The following UST variants were observed in gnomAD, a reference collection of about 807,000 sequenced individuals.
UST encodes the protein uronyl 2-sulfotransferase.
UST carries 21 observed loss-of-function variants against 45.6 expected under a neutral mutation model. That is an observed-to-expected ratio of 0.46 (90% CI 0.33 to 0.66). UST has a LOEUF of 0.66. Among genes scored for constraint, UST ranks in the 30% least tolerant of loss-of-function variants. The pLI is 0.02. For synonymous variants in UST, 215 were observed against 200.6 expected, an observed-to-expected ratio of 1.07 and a Z score of -0.61; for missense variants, 463 against 512.4, an observed-to-expected ratio of 0.90 and a Z score of 0.93.
At chr6:148,781,683 C>G (rs1776646623) in intron 1 of UST, among the ~76,000 whole-genome samples, 2 of 152,100 alleles carry the variant, frequency 1.3e-5, no homozygotes, top group East Asian at 3.8e-4. Flanking sequence ...AGAGGAGAAC[C>G]CGGTACCTGG....
intron 1 of UST, among the ~76,000 whole-genome samples, chr6:148,828,710 G>T (rs189003569): frequency 1.2e-3 from 177 of 152,296 alleles, no homozygotes; most frequent in Admixed American, 2.4e-3. Flanking sequence ...TGATGATGAT[G>T]ATTGTTTATT....
At chr6:149,016,887 A>G (rs1775905235) in intron 5 of UST, among the ~76,000 whole-genome samples, 1 of 152,138 alleles carries the variant, frequency 6.6e-6, no homozygotes, top group African/African-American at 2.4e-5. Flanking sequence ...ACTGCTGCAG[A>G]GGGAGGCCAC....
chr6:148,865,274 A>G (rs527647107), intron 1 of UST, among the ~76,000 whole-genome samples: 1 of 152,320 alleles, frequency 6.6e-6, no homozygotes, highest in East Asian at 1.9e-4. Context: ...AAGAAGCTCA[A>G]AATGGTCTCT....
At chr6:148,923,782 C>A (rs1018783467) in intron 2 of UST, among the ~76,000 whole-genome samples, 1 of 152,026 alleles carries the variant, frequency 6.6e-6, no homozygotes, top group Non-Finnish European at 1.5e-5. Context: ...CTCCTGGGGG[C>A]CTTTGTCCAG....
intron 5 of UST, among the ~76,000 whole-genome samples, chr6:148,980,794 G>C (rs183978035): frequency 6.6e-6 from 1 of 151,844 alleles, no homozygotes; most frequent in Non-Finnish European, 1.5e-5. Flanking sequence ...ATCTCAGCTC[G>C]CTGCAGCCTC....
intron 1 of UST, among the ~76,000 whole-genome samples, chr6:148,759,553 A>T (rs1444850379): frequency 6.9e-6 from 1 of 145,640 alleles, no homozygotes; most frequent in Non-Finnish European, 1.5e-5. Context: ...TAAAAATAAA[A>T]AAATAAAAGA....
intron 2 of UST, among the ~76,000 whole-genome samples, chr6:148,891,985 A>G (rs1779027419): frequency 6.6e-6 from 1 of 152,226 alleles, no homozygotes; most frequent in African/African-American, 2.4e-5. Flanking sequence ...ATACCATCCC[A>G]CATTCATTTA....
intron 2 of UST, among the ~76,000 whole-genome samples, chr6:148,910,243 C>T (rs1247846112): frequency 4.7e-5 from 7 of 147,640 alleles, no homozygotes; most frequent in Middle Eastern, 3.6e-3. Flanking sequence ...TGGGTTCAAA[C>T]GATTCTTCTG....
chr6:148,754,203 A>G (rs992085587), intron 1 of UST, among the ~76,000 whole-genome samples: 13 of 151,980 alleles, frequency 8.6e-5, no homozygotes, highest in African/African-American at 1.5e-4. Flanking sequence ...TCACTGTGTT[A>G]GCCAGGATGG....
intron 1 of UST, among the ~76,000 whole-genome samples, chr6:148,782,011 C>T (rs1776652955): frequency 6.6e-6 from 1 of 152,212 alleles, no homozygotes; most frequent in Non-Finnish European, 1.5e-5. Context: ...TTAATGCTTG[C>T]TAGCACAACA....
intron 1 of UST, among the ~76,000 whole-genome samples, chr6:148,783,911 T>G (rs183161128): frequency 4.6e-5 from 7 of 152,232 alleles, no homozygotes; most frequent in African/African-American, 1.7e-4. Context: ...GTGAAGATGA[T>G]GAGCTACAAG....
intron 3 of UST, among the ~76,000 whole-genome samples, chr6:148,942,604 T>C (rs1380535312): frequency 2.0e-5 from 3 of 152,042 alleles, no homozygotes; most frequent in African/African-American, 7.2e-5. Context: ...TAAATAAATT[T>C]CCATCCATGT....
intron 1 of UST, among the ~76,000 whole-genome samples, chr6:148,811,348 A>G (rs1178229378): frequency 6.6e-6 from 1 of 152,164 alleles, no homozygotes; most frequent in Non-Finnish European, 1.5e-5. Context: ...TAAGCTCAAA[A>G]CCAGCACACC....
Position 148,978,917 on chromosome 6 carries a change from G to A in UST, c.681+14354G>A, listed in dbSNP as rs146976688. Reference sequence around the variant, plus strand: ...GTTAAATTGCTAATTGCCAAATTTCGCTCATTTCTACTTTTATTCTACTAG... The same window carrying A: ...GTTAAATTGCTAATTGCCAAATTTCACTCATTTCTACTTTTATTCTACTAG... On this transcript the variant is annotated intron_variant, in intron 5 of 7. Coordinates refer to ENST00000367463, the MANE Select transcript of UST (RefSeq NM_005715.3). 2.3e-4 allele frequency among the ~76,000 whole-genome samples: 35 copies of A among 152,108 alleles called. 1 individual carries two copies. In the East Asian group the frequency reaches 3.7e-3, roughly 16 times the overall value.
chr6:148,991,864 A>G (rs1391190976), intron 5 of UST, among the ~76,000 whole-genome samples: 1 of 152,190 alleles, frequency 6.6e-6, no homozygotes, highest in African/African-American at 2.4e-5. Flanking sequence ...TCAAACTGCT[A>G]GGAGGTCAGT....
chr6:148,961,754 C>T (rs894273786), intron 4 of UST, among the ~76,000 whole-genome samples: 2 of 152,228 alleles, frequency 1.3e-5, no homozygotes, highest in Non-Finnish European at 2.9e-5. Flanking sequence ...AAACCATTCT[C>T]AGCCCCAAAA....
At chr6:148,818,349 T>A (rs1039378601) in intron 1 of UST, among the ~76,000 whole-genome samples, 1 of 152,222 alleles carries the variant, frequency 6.6e-6, no homozygotes, top group South Asian at 2.1e-4. Flanking sequence ...TACACACGAC[T>A]TGTTCTAATA....
intron 1 of UST, among the ~76,000 whole-genome samples, chr6:148,757,959 A>G (rs1193629698): frequency 6.6e-6 from 1 of 152,220 alleles, no homozygotes; most frequent in Non-Finnish European, 1.5e-5. Flanking sequence ...TGATGTTTTG[A>G]TGTATACAAT....
At chr6:148,754,904 TGGGG>T (rs1304966810) in intron 1 of UST, among the ~76,000 whole-genome samples, 2 of 152,206 alleles carry the variant, frequency 1.3e-5, no homozygotes, top group Non-Finnish European at 2.9e-5. Context: ...TAAAGAATCC[TGGGG>T]GTCTTGTTTT....
Sources: allele counts gnomAD v4.1 joint callset (sites outside exome capture counted in the v4.1 genomes callset), GRCh38; gene constraint gnomAD v4.1.1; transcripts MANE v1.5; gene names NCBI Gene and HGNC (gene_info 2026-07-23, HGNC 2026-07-21).